Variants in CLN6 observed in about 807,000 individuals in gnomAD.
The protein encoded by CLN6 is ceroid-lipofuscinosis neuronal protein 6.
CLN6 carries 22 observed loss-of-function variants against 33.3 expected under a neutral mutation model. The observed-to-expected ratio is 0.66, with a 90% CI of 0.47 to 0.94. CLN6 has a LOEUF of 0.94. Ranked by LOEUF, CLN6 falls within the 40% of genes least tolerant of loss-of-function variation. CLN6 has a pLI of 0.00. For synonymous variants in CLN6, 201 were observed against 174.6 expected (o/e 1.15, Z -1.19); for missense variants, 387 against 417.1 (o/e 0.93, Z 0.63).
chr15:68,211,927 C>A lies in CLN6; in HGVS notation c.298-64G>T. The A allele has an allele frequency of 6.5e-7, 1 of 1,530,650 alleles. No homozygotes were observed. The highest frequency in any genetic ancestry group is 1.1e-5 in the South Asian group (1 of 87,924). The allele number at this position is 1,530,650 out of a possible 1,614,324, so 94.8% of individuals were successfully genotyped here. A position where few individuals can be genotyped will look rare whatever the true frequency, so the allele number is the denominator to read the frequency against. On this transcript the variant is annotated intron_variant, in intron 3 of 6. Coordinates refer to ENST00000249806, the MANE Select transcript of CLN6 (RefSeq NM_017882.3). This position sits in a 1 kb window ranked among gnomAD's most constrained non-coding sequence, Gnocchi z 5.9. ...CTGTCACAGTATGTGACACCCTCTG[C>A]TTCCCCCCTCACACCTGGGGTGGGA...
intron 1 of CLN6, among the ~76,000 whole-genome samples, chr15:68,239,335 T>A (rs1892261395): frequency 6.6e-6 from 1 of 151,282 alleles, no homozygotes; most frequent in Non-Finnish European, 1.5e-5. Flanking sequence ...TAGACATACC[T>A]AAAATAAAAG....
chr15:68,227,201 A>G lies in CLN6; in HGVS notation c.83+2301T>C, dbSNP rs1023997802. On this transcript the variant is annotated intron_variant, in intron 1 of 6. Transcript: ENST00000249806. The surrounding 1 kb of genome is among the most constrained non-coding windows in gnomAD (Gnocchi z 4.1). ...TACAGGCATGGGCCATCACACCTGG[A>G]TAATTTTTGTATTTTTTAGTAGAGA... is the stretch of plus-strand genomic sequence containing the variant. 5.6e-4 allele frequency among the ~76,000 whole-genome samples: 85 copies of G among 151,852 alleles called. 1 individual carries two copies. Among genetic ancestry groups the G allele is most frequent in the Non-Finnish European group, 3.2e-4 (22 of 67,964 alleles).
At position 68,241,614 on chromosome 15, in the gene CLN6, A is replaced by G. The variant is rs1443774918; in HGVS notation, c.179+15076T>C. Among the ~76,000 whole-genome samples, 1 of 151,862 alleles carries G rather than the reference A, an allele frequency of 6.6e-6. No individual in the cohort carries two copies. The highest frequency in any genetic ancestry group is 1.5e-5 in the Non-Finnish European group (1 of 67,916). Reference sequence around the variant, plus strand: ...TATCTCTGAGGACACTGAGAGACCAAGGAGGGAGGTGGGGATACTATCCCT... The same window carrying G: ...TATCTCTGAGGACACTGAGAGACCAGGGAGGGAGGTGGGGATACTATCCCT... On this transcript the variant is annotated intron_variant, in intron 1 of 6. Transcript: ENST00000538696. This position sits in a 1 kb window ranked among gnomAD's most constrained non-coding sequence, Gnocchi z 4.2.
intron 1 of CLN6, among the ~76,000 whole-genome samples, chr15:68,225,591 T>C (rs1025135074): frequency 3.3e-5 from 5 of 152,172 alleles, no homozygotes; most frequent in Non-Finnish European, 7.3e-5. Flanking sequence ...CAAGCAATCC[T>C]CCCATCTCAG....
rs1448759446 is a variant in CLN6, at chr15:68,223,809, G to A, written c.84-5159C>T. Among the ~76,000 whole-genome samples the A allele has an allele frequency of 2.6e-5, 4 of 151,982 alleles. No individual in the cohort carries two copies. In the East Asian group the frequency reaches 7.7e-4, roughly 29 times the overall value. On this transcript the variant is annotated intron_variant, in intron 1 of 6. Coordinates refer to ENST00000249806, the MANE Select transcript of CLN6 (RefSeq NM_017882.3). The stretch of plus-strand genomic sequence containing the variant: ...GCCTGTACTCCCAGCATTTTGGGAG[G>A]CTGAGGTGTACAGATCACCTGAGGT...
In CLN6 at chr15:68,210,513, G is replaced by A. The variant is rs2093201956; in HGVS notation, c.542+750C>T. 1.3e-5 allele frequency among the ~76,000 whole-genome samples: 2 copies of A among 152,190 alleles called. No individual in the cohort carries two copies. The highest frequency in any genetic ancestry group is 2.9e-5 in the Non-Finnish European group (2 of 68,032). On this transcript the variant is annotated intron_variant, in intron 5 of 6. Coordinates refer to ENST00000249806, the MANE Select transcript of CLN6 (RefSeq NM_017882.3). This position sits in a 1 kb window ranked among gnomAD's most constrained non-coding sequence, Gnocchi z 5.6. ...AACACCCTGGAAATGCCCGTGCAGG[G>A]TGCGTGTGCTGTGAGCACCAACTCA... is the stretch of plus-strand genomic sequence containing the variant.
rs1461558536 is a variant in CLN6, at chr15:68,210,718, G to A, written c.542+545C>T. Among the ~76,000 whole-genome samples, 1 of 152,192 alleles carries A rather than the reference G, an allele frequency of 6.6e-6. No homozygotes were observed. ...TTTCTGAGGTCTCCCCCGACTGAGG[G>A]ACGGGGTAGGTAGGAAAAGGTGCCC... On this transcript the variant is annotated intron_variant, in intron 5 of 6. Coordinates refer to ENST00000249806, the MANE Select transcript of CLN6 (RefSeq NM_017882.3). This position sits in a 1 kb window ranked among gnomAD's most constrained non-coding sequence, Gnocchi z 5.6.
At chr15:68,214,234 G>A in intron 3 of CLN6, 56 bp downstream of exon 3, 2 of 1,317,324 alleles carry the variant, frequency 1.5e-6, no homozygotes, top group Non-Finnish European at 2.2e-6. Context: ...TCACCTTCCT[G>A]CCAGGTGTGC....
intron 1 of CLN6, among the ~76,000 whole-genome samples, chr15:68,239,438 C>T (rs188999446): frequency 7.4e-4 from 112 of 152,120 alleles, no homozygotes; most frequent in African/African-American, 2.6e-3. Flanking sequence ...TTTGCTATTA[C>T]TTTTGTGCCA....
chr15:68,245,913 G>T (rs932097247), intron 1 of CLN6, among the ~76,000 whole-genome samples: 1 of 152,036 alleles, frequency 6.6e-6, no homozygotes, highest in African/African-American at 2.4e-5. Context: ...AACAAGATTA[G>T]CTATACTTAT....
rs1229923587 is a variant in CLN6, at chr15:68,211,423, G to T, written c.487-105C>A. The T allele has an allele frequency of 2.1e-5, 32 of 1,534,202 alleles. No individual in the cohort carries two copies. The highest frequency in any genetic ancestry group is 2.6e-5 in the Non-Finnish European group (29 of 1,111,480). ...CTGACCACCCTTCTCCCAGTCCCAGGCCTCCCCCACTGCCTTATTCCCTAC... is the reference window on the plus strand; with the variant it reads ...CTGACCACCCTTCTCCCAGTCCCAGTCCTCCCCCACTGCCTTATTCCCTAC... On this transcript the variant is annotated intron_variant, in intron 4 of 6. Transcript: ENST00000249806. This position sits in a 1 kb window ranked among gnomAD's most constrained non-coding sequence, Gnocchi z 5.9.
At chr15:68,243,968 G>A (rs1382259988) in intron 1 of CLN6, among the ~76,000 whole-genome samples, 1 of 151,988 alleles carries the variant, frequency 6.6e-6, no homozygotes, top group East Asian at 1.9e-4. Context: ...GGGAGGCTGA[G>A]GCAGGAGAAT....
Position 68,241,044 on chromosome 15 carries a change from T to C in CLN6, c.179+15646A>G, listed in dbSNP as rs1483696788. On this transcript the variant is annotated intron_variant, in intron 1 of 6. Transcript: ENST00000538696. This position sits in a 1 kb window ranked among gnomAD's most constrained non-coding sequence, Gnocchi z 4.2. The stretch of plus-strand genomic sequence containing the variant: ...ATTCACAAATAAGCAAGAATATGAA[T>C]GAAGAACAGAAGAAAGCTGCAAATA... Among the ~76,000 whole-genome samples the C allele has an allele frequency of 6.8e-6, 1 of 146,936 alleles. No homozygotes were observed. Among genetic ancestry groups the C allele is most frequent in the African/African-American group, 2.5e-5 (1 of 39,796 alleles).
chr15:68,234,745 G>A lies in CLN6; in HGVS notation c.180-16095C>T, dbSNP rs756265422. ...TTAACAGTTGACAAAGGCCGGGCGC[G>A]GTGGCTCACGCATGTAATCCCAGCA... On this transcript the variant is annotated intron_variant, in intron 1 of 6. Coordinates refer to the CLN6 transcript ENST00000538696. This position sits in a 1 kb window ranked among gnomAD's most constrained non-coding sequence, Gnocchi z 4.1. Among the ~76,000 whole-genome samples the A allele has an allele frequency of 1.2e-4, 19 of 152,240 alleles. No homozygotes were observed. The highest frequency in any genetic ancestry group is 2.1e-4 in the South Asian group (1 of 4,824).
chr15:68,224,301 A>G (rs1369658394), intron 1 of CLN6, among the ~76,000 whole-genome samples: 1 of 145,238 alleles, frequency 6.9e-6, no homozygotes, highest in Non-Finnish European at 1.5e-5. Flanking sequence ...GCAGGCACAC[A>G]GAGTGGACAC....
intron 1 of CLN6, among the ~76,000 whole-genome samples, chr15:68,223,480 C>G (rs941263355): frequency 5.3e-5 from 8 of 152,222 alleles, no homozygotes; most frequent in African/African-American, 1.9e-4. Context: ...GAGTGATAAC[C>G]TCCAGGCCCA....
rs2093257751 is a variant in CLN6, at chr15:68,228,183, AGTCCGCAGCTGCTCAGCCCGCAT to A, written c.83+1296_83+1318del. Among the ~76,000 whole-genome samples the A allele has an allele frequency of 6.6e-6, 1 of 152,190 alleles. No homozygotes were observed. The highest frequency in any genetic ancestry group is 6.5e-5 in the Admixed American group (1 of 15,278). On this transcript the variant is annotated intron_variant, in intron 1 of 6. Transcript: ENST00000249806. The surrounding 1 kb of genome is among the most constrained non-coding windows in gnomAD (Gnocchi z 4.4). ...ATTGTTTCTAAGTGAAAACGGACAC[AGTCCGCAGCTGCTCAGCCCGCAT>A]GTCCGCAGCAGCAGAAACGAGCCAT...
chr15:68,210,191 A>T lies in CLN6; in HGVS notation c.543-432T>A, dbSNP rs2093200778. Among the ~76,000 whole-genome samples the T allele has an allele frequency of 6.6e-6, 1 of 151,470 alleles. No homozygotes were observed. The highest frequency in any genetic ancestry group is 2.1e-4 in the South Asian group (1 of 4,810). Reference sequence around the variant, plus strand: ...GGCCTCTTGGTGAAGCACTGCACCCACTCTCAGCACACAGCCCCACCCCCA... The same window carrying T: ...GGCCTCTTGGTGAAGCACTGCACCCTCTCTCAGCACACAGCCCCACCCCCA... On this transcript the variant is annotated intron_variant, in intron 5 of 6. Transcript: ENST00000249806. This position sits in a 1 kb window ranked among gnomAD's most constrained non-coding sequence, Gnocchi z 5.6.
At position 68,219,186 on chromosome 15, in the gene CLN6, T is replaced by C. The variant is rs116866157; in HGVS notation, c.84-536A>G. Among the ~76,000 whole-genome samples, 88 of 152,304 alleles carry C rather than the reference T, an allele frequency of 5.8e-4. 2 individuals carry two copies. In the East Asian group the frequency reaches 0.013, roughly 22 times the overall value. ...ACACAGCTAAGGATTTGAACCCAAA[T>C]GATTGGGCTCCTGAGCTTATACTTT... On this transcript the variant is annotated intron_variant, in intron 1 of 6. Transcript: ENST00000249806. This position sits in a 1 kb window ranked among gnomAD's most constrained non-coding sequence, Gnocchi z 4.2.
Sources: allele counts gnomAD v4.1 joint callset (sites outside exome capture counted in the v4.1 genomes callset), GRCh38; gene constraint gnomAD v4.1.1; non-coding constraint Gnocchi (gnomAD v3.1); transcripts MANE v1.5; gene names NCBI Gene and HGNC (gene_info 2026-07-23, HGNC 2026-07-21).